The following ODAD2 variants were observed in gnomAD, a reference collection of about 807,000 sequenced individuals.
ODAD2 encodes the protein outer dynein arm docking complex subunit 2.
In ODAD2, 89 loss-of-function variants were observed where a neutral mutation model predicts 106.8. The observed-to-expected ratio is 0.83, with a 90% confidence interval of 0.70 to 0.99. ODAD2 has a LOEUF of 0.99. Among genes scored for constraint, ODAD2 ranks in the 50% least tolerant of loss-of-function variants. The pLI, the probability that ODAD2 is intolerant of heterozygous loss-of-function variation, is 0.00. For synonymous variants in ODAD2, 404 were observed against 436.2 expected, an observed-to-expected ratio of 0.93 and a Z score of 0.92; for missense variants, 1,168 against 1,238.5, an observed-to-expected ratio of 0.94 and a Z score of 0.85.
At chr10:27,938,383 G>T (rs1261838655) in intron 14 of ODAD2, among the ~76,000 whole-genome samples, 1 of 152,146 alleles carries the variant, frequency 6.6e-6, no homozygotes, top group Non-Finnish European at 1.5e-5. Flanking sequence ...AGGAAAGACG[G>T]TGGGAGGACA....
At chr10:27,939,138 A>AACACACAC (rs150761167) in intron 14 of ODAD2, among the ~76,000 whole-genome samples, 1 of 150,860 alleles carries the variant, frequency 6.6e-6, no homozygotes, top group Non-Finnish European at 1.5e-5. Flanking sequence ...ATAAAACAGG[A>AACACACAC]ACACACACAC....
intron 2 of ODAD2, among the ~76,000 whole-genome samples, chr10:27,994,129 C>T (rs1015535768): frequency 7.9e-5 from 12 of 151,614 alleles, no homozygotes; most frequent in African/African-American, 2.9e-4. Context: ...ATATTTTAGC[C>T]ATGTTTGAAT....
chr10:27,932,362 A>T (rs1480319182), intron 16 of ODAD2, among the ~76,000 whole-genome samples: 1 of 152,206 alleles, frequency 6.6e-6, no homozygotes, highest in African/African-American at 2.4e-5. Context: ...CTTGAAGTAT[A>T]GTTTCTACTG....
intron 10 of ODAD2, among the ~76,000 whole-genome samples, chr10:27,952,963 T>C (rs1474155457): frequency 6.6e-6 from 1 of 152,232 alleles, no homozygotes; most frequent in Admixed American, 6.5e-5. Flanking sequence ...GTAGTGTGCA[T>C]ATATTGTTTT....
chr10:27,887,226 GA>G (rs1243263013), intron 17 of ODAD2, among the ~76,000 whole-genome samples: 1 of 151,934 alleles, frequency 6.6e-6, no homozygotes, highest in Non-Finnish European at 1.5e-5. Context: ...ACCAATAACA[GA>G]CAAAATAGCC....
At chr10:27,934,936 G>A (rs1244322992) in intron 16 of ODAD2, 74 bp downstream of exon 16, 2 of 1,517,348 alleles carry the variant, frequency 1.3e-6, no homozygotes, top group Admixed American at 3.5e-5. Flanking sequence ...TCTAAGTGAT[G>A]ACACTATTCT....
At chr10:27,882,233 G>GAAAGAAAGAAAGAAATAAAT (rs1451039386) in intron 17 of ODAD2, among the ~76,000 whole-genome samples, 5 of 145,360 alleles carry the variant, frequency 3.4e-5, no homozygotes, top group African/African-American at 1.2e-4. Flanking sequence ...AAGAAAGAAA[G>GAAAGAAAGAAAGAAATAAAT]AAATATGAAC....
intron 12 of ODAD2, among the ~76,000 whole-genome samples, chr10:27,941,687 T>A (rs749399768): frequency 2.0e-5 from 3 of 149,512 alleles, no homozygotes; most frequent in Non-Finnish European, 4.4e-5. Flanking sequence ...GTATGTCAGG[T>A]TGCCCCATGG....
chr10:27,960,046 G>T (rs1047672099), intron 10 of ODAD2, among the ~76,000 whole-genome samples: 115 of 151,926 alleles, frequency 7.6e-4, no homozygotes, highest in African/African-American at 2.7e-3. Context: ...AAAATTGACA[G>T]ATGCCACAAA....
At chr10:27,894,849 G>T (rs1442333089) in intron 17 of ODAD2, among the ~76,000 whole-genome samples, 1 of 152,056 alleles carries the variant, frequency 6.6e-6, no homozygotes, top group Non-Finnish European at 1.5e-5. Context: ...ACAGGTGTGA[G>T]CCACTTTGCC....
At chr10:27,814,236 C>A (rs1468256100) in intron 19 of ODAD2, among the ~76,000 whole-genome samples, 1 of 152,138 alleles carries the variant, frequency 6.6e-6, no homozygotes, top group Admixed American at 6.5e-5. Flanking sequence ...CCAGCTATCA[C>A]CCAGGAAGAG....
At chr10:27,888,224 T>C (rs1165182054) in intron 17 of ODAD2, among the ~76,000 whole-genome samples, 4 of 152,160 alleles carry the variant, frequency 2.6e-5, no homozygotes, top group African/African-American at 9.6e-5. Flanking sequence ...TTTAGTTCTT[T>C]GAGAAATCTC....
chr10:27,926,250 T>A (rs1432603937), intron 16 of ODAD2, among the ~76,000 whole-genome samples: 1 of 151,974 alleles, frequency 6.6e-6, no homozygotes, highest in African/African-American at 2.4e-5. Context: ...TAAACCATAG[T>A]TTATCAAACA....
chr10:27,866,710 G>A (rs1840465226), intron 17 of ODAD2, among the ~76,000 whole-genome samples: 1 of 152,090 alleles, frequency 6.6e-6, no homozygotes. Flanking sequence ...AGAGAGGGGA[G>A]GGAGGTGCCA....
chr10:27,971,145 G>C lies in ODAD2; in HGVS notation c.1105C>G (p.Pro369Ala), dbSNP rs771457896. 1.2e-6 allele frequency: 2 copies of C among 1,613,846 alleles called. No individual in the cohort carries two copies. Among genetic ancestry groups the C allele is most frequent in the Non-Finnish European group, 1.7e-6 (2 of 1,179,880 alleles). Residue 369 changes from proline (P) to alanine (A), a missense_variant, in exon 8 of 20, where the codon CCA becomes GCA. Around this residue, in one of 3 missense-constraint regions of ODAD2, gnomAD observed 430 missense variants for 452.2 expected, o/e 0.95. Coordinates refer to ENST00000305242, the MANE Select transcript of ODAD2 (RefSeq NM_018076.5). ...WRNQMTKRWE[P>A]SLNWKTTVNY... ...ACAGTGGTCTTCCAGTTTAAGCTTG[G>C]TTCCCATCTCTTGGTCATTTGATTC...
At chr10:27,823,596 T>C (rs967479524) in intron 19 of ODAD2, among the ~76,000 whole-genome samples, 2 of 152,224 alleles carry the variant, frequency 1.3e-5, no homozygotes, top group African/African-American at 4.8e-5. Context: ...GCTCATGCTA[T>C]GTGCCCCTAA....
intron 19 of ODAD2, among the ~76,000 whole-genome samples, chr10:27,850,231 G>A (rs1839148013): frequency 6.6e-6 from 1 of 152,092 alleles, no homozygotes; most frequent in Non-Finnish European, 1.5e-5. Flanking sequence ...AATCACTTGA[G>A]GTCAGGAGTT....
intron 16 of ODAD2, among the ~76,000 whole-genome samples, chr10:27,909,281 C>A (rs1180889003): frequency 6.6e-6 from 1 of 152,022 alleles, no homozygotes; most frequent in Admixed American, 6.6e-5. Flanking sequence ...CTTGTCATTG[C>A]AGTGGAAGTC....
chr10:27,878,681 T>A (rs184783242), intron 17 of ODAD2, among the ~76,000 whole-genome samples: 6 of 152,264 alleles, frequency 3.9e-5, no homozygotes, highest in African/African-American at 9.6e-5. Flanking sequence ...GAATAGCATG[T>A]CAGAGAAGTG....
Sources: allele counts gnomAD v4.1 joint callset (sites outside exome capture counted in the v4.1 genomes callset), GRCh38; gene constraint gnomAD v4.1.1; regional missense constraint gnomAD v4.1.1; transcripts MANE v1.5; gene names NCBI Gene and HGNC (gene_info 2026-07-23, HGNC 2026-07-21).